The following C2orf76 variants were observed in gnomAD, a reference collection of about 807,000 sequenced individuals.
C2orf76 encodes the protein chromosome 2 open reading frame 76.
In C2orf76, 23 loss-of-function variants were observed where a neutral mutation model predicts 16.9. That is an observed-to-expected ratio of 1.36 (90% CI 0.98 to 1.93). C2orf76 has a LOEUF of 1.93. C2orf76 is among the 30% of genes most tolerant of loss of function. The pLI, the probability that C2orf76 is intolerant of heterozygous loss-of-function variation, is 0.00. For missense variants in C2orf76, 152 were observed against 152.6 expected (o/e 1.00, Z 0.02); for synonymous variants, 48 against 52.3 (o/e 0.92, Z 0.35).
At chr2:119,352,486 C>G (rs866215327) in intron 1 of C2orf76, among the ~76,000 whole-genome samples, 1 of 152,316 alleles carries the variant, frequency 6.6e-6, no homozygotes, top group Middle Eastern at 3.4e-3. Flanking sequence ...TGAGTCTCAG[C>G]CAATCACAGC....
chr2:119,314,849 T>A (rs1396383650), intron 4 of C2orf76, among the ~76,000 whole-genome samples: 1 of 152,218 alleles, frequency 6.6e-6, no homozygotes, highest in African/African-American at 2.4e-5. Context: ...TATTTAAGTC[T>A]TATTTTGGAA....
intron 5 of C2orf76, chr2:119,311,191 G>C (rs1678974004): frequency 1.0e-6 from 1 of 985,248 alleles, no homozygotes; most frequent in African/African-American, 1.7e-5. Context: ...TGCCTTGGTG[G>C]GCCCTGAGTG....
the C2orf76 span, among the ~76,000 whole-genome samples, chr2:119,285,194 T>A: frequency 6.6e-6 from 1 of 152,268 alleles, no homozygotes; most frequent in Non-Finnish European, 1.5e-5. Context: ...TAAAATTATC[T>A]ACTGTGCATA....
chr2:119,341,657 T>C (rs1680034830), intron 1 of C2orf76, among the ~76,000 whole-genome samples: 1 of 152,206 alleles, frequency 6.6e-6, no homozygotes, highest in African/African-American at 2.4e-5. Flanking sequence ...TTCTATCTAG[T>C]AGCACCTACT....
At chr2:119,327,731 C>T (rs1038826140) in intron 2 of C2orf76, among the ~76,000 whole-genome samples, 6 of 152,118 alleles carry the variant, frequency 3.9e-5, no homozygotes, top group African/African-American at 1.4e-4. Context: ...CACATGCCAG[C>T]ACTAAGCTTT....
At chr2:119,311,840 G>A (rs1389290689) in intron 4 of C2orf76, 137 bp from the exon 5 acceptor site, 1 of 794,758 alleles carries the variant, frequency 1.3e-6, no homozygotes, top group East Asian at 2.7e-5. Context: ...CCGTAATGAG[G>A]GCAGTGAACA....
upstream of C2orf76, chr2:119,367,010 C>T (rs1385689642): frequency 6.2e-7 from 1 of 1,613,600 alleles, no homozygotes; most frequent in South Asian, 1.1e-5. Context: ...CTGGTCCTCG[C>T]CTCCTCCGCT....
At chr2:119,344,865 A>C (rs889874320) in intron 1 of C2orf76, among the ~76,000 whole-genome samples, 2 of 152,198 alleles carry the variant, frequency 1.3e-5, no homozygotes, top group Admixed American at 6.5e-5. Flanking sequence ...GTCAGACTTA[A>C]GATTATAGAA....
chr2:119,284,554 A>G, the C2orf76 span, among the ~76,000 whole-genome samples: 1 of 152,086 alleles, frequency 6.6e-6, no homozygotes, highest in African/African-American at 2.4e-5. Context: ...TACATTACCA[A>G]ATTACCTCCA....
chr2:119,282,770 C>T, the C2orf76 span, among the ~76,000 whole-genome samples: 1 of 151,982 alleles, frequency 6.6e-6, no homozygotes, highest in Non-Finnish European at 1.5e-5. Flanking sequence ...GGTTCAACAG[C>T]AGAACAACAA....
intron 5 of C2orf76, among the ~76,000 whole-genome samples, chr2:119,305,440 A>G (rs997872526): frequency 1.3e-5 from 2 of 152,196 alleles, no homozygotes; most frequent in African/African-American, 4.8e-5. Flanking sequence ...TTATCTCAAT[A>G]AACTCATCTA....
intron 5 of C2orf76, 42 bp downstream of exon 5, chr2:119,311,580 G>A (rs755971263): frequency 5.6e-5 from 89 of 1,598,824 alleles, no homozygotes; most frequent in South Asian, 3.8e-4. Context: ...AGGATAGGCC[G>A]GCAGAGGTCC....
chr2:119,307,186 T>A (rs752600274), intron 5 of C2orf76, among the ~76,000 whole-genome samples: 3 of 152,048 alleles, frequency 2.0e-5, no homozygotes, highest in Non-Finnish European at 4.4e-5. Flanking sequence ...ACGCCTATAA[T>A]CCCAGCACTT....
chr2:119,350,987 A>C (rs553082385), intron 1 of C2orf76, among the ~76,000 whole-genome samples: 2 of 152,316 alleles, frequency 1.3e-5, no homozygotes, highest in Admixed American at 6.5e-5. Context: ...TCAAAAAAAA[A>C]CATCACTACA....
chr2:119,311,494 T>A (rs182177190), intron 5 of C2orf76, 128 bp downstream of exon 5: 48 of 1,446,308 alleles, frequency 3.3e-5, no homozygotes, highest in Non-Finnish European at 4.3e-5. Flanking sequence ...TCTGAACAGT[T>A]ACCGGGCAGT....
chr2:119,359,271 T>C (rs994360261), intron 1 of C2orf76, among the ~76,000 whole-genome samples: 5 of 152,230 alleles, frequency 3.3e-5, no homozygotes, highest in African/African-American at 1.2e-4. Flanking sequence ...TTACTGCTCA[T>C]TGACAATGCA....
rs866889599 is a variant in C2orf76 at position 119,342,026 on chromosome 2, A to G, written c.-12-2055T>C. On this transcript the variant is annotated intron_variant, in intron 1 of 5. Transcript: ENST00000334816. ...ACATAGGTACCCTAAGGAATCTCAC[A>G]TATATATACAAGGAGGAACCATAAA... Among the ~76,000 whole-genome samples, 56 of 152,298 alleles carry G rather than the reference A, an allele frequency of 3.7e-4. 1 individual carries two copies. Among genetic ancestry groups the G allele is most frequent in the Admixed American group, 1.1e-3 (17 of 15,298 alleles).
intron 5 of C2orf76, among the ~76,000 whole-genome samples, chr2:119,305,046 C>T (rs572283963): frequency 7.2e-5 from 11 of 152,234 alleles, no homozygotes; most frequent in Middle Eastern, 3.4e-3. Context: ...GTGCTGCAGG[C>T]GGCAGTGCAG....
chr2:119,294,323 CAG>C, the C2orf76 span, among the ~76,000 whole-genome samples: 1 of 152,160 alleles, frequency 6.6e-6, no homozygotes, highest in African/African-American at 2.4e-5. Context: ...GCTGTCTCAG[CAG>C]AGTGCTGGAC....
Sources: allele counts gnomAD v4.1 joint callset (sites outside exome capture counted in the v4.1 genomes callset), GRCh38; gene constraint gnomAD v4.1.1; transcripts MANE v1.5; gene names NCBI Gene and HGNC (gene_info 2026-07-23, HGNC 2026-07-21).